FANCC: variants seen among roughly 807,000 people sequenced by gnomAD.
FANCC encodes the protein Fanconi anemia group C protein.
Under a neutral mutation model 71.3 loss-of-function variants are expected in FANCC, and 55 were observed. That is an observed-to-expected ratio of 0.77 (90% confidence interval 0.62 to 0.97). The LOEUF is 0.97. FANCC is among the 50% of genes least tolerant of loss of function. The pLI, the probability that FANCC is intolerant of heterozygous loss-of-function variation, is 0.00. For synonymous variants in FANCC, 275 were observed against 244.9 expected (o/e 1.12, Z -1.15); for missense variants, 678 against 670.9 (o/e 1.01, Z -0.12).
chr9:95,137,551 TC>T (rs1171197376), intron 7 of FANCC, among the ~76,000 whole-genome samples: 1 of 152,152 alleles, frequency 6.6e-6, no homozygotes, highest in African/African-American at 2.4e-5. Context: ...ACATGCCATT[TC>T]CTCAGATGAA....
intron 4 of FANCC, among the ~76,000 whole-genome samples, chr9:95,187,991 A>G (rs1826835423): frequency 6.6e-6 from 1 of 152,238 alleles, no homozygotes; most frequent in South Asian, 2.1e-4. Context: ...GTCACTACGC[A>G]TCAGTGTCTT....
chr9:95,193,227 C>T (rs1240885620), intron 4 of FANCC, among the ~76,000 whole-genome samples: 1 of 152,190 alleles, frequency 6.6e-6, no homozygotes, highest in East Asian at 1.9e-4. Flanking sequence ...CAAGGGGGCG[C>T]TACTCCAAAG....
chr9:95,160,507 G>T (rs1196224128), intron 6 of FANCC, among the ~76,000 whole-genome samples: 28 of 152,160 alleles, frequency 1.8e-4, no homozygotes, highest in Admixed American at 1.0e-3. Flanking sequence ...TCTTGGCAAT[G>T]TGGGCTCTTT....
At chr9:95,280,053 A>G (rs1467240086) in intron 1 of FANCC, among the ~76,000 whole-genome samples, 3 of 152,096 alleles carry the variant, frequency 2.0e-5, no homozygotes, top group Non-Finnish European at 4.4e-5. Context: ...CACACTTTAG[A>G]GTGAAAAATA....
intron 1 of FANCC, among the ~76,000 whole-genome samples, chr9:95,314,383 G>A (rs1015161781): frequency 1.4e-4 from 22 of 152,198 alleles, no homozygotes; most frequent in East Asian, 3.8e-4. Context: ...GCCGGGCGCA[G>A]TGACTCACGC....
chr9:95,135,122 G>A (rs531877579), intron 8 of FANCC, among the ~76,000 whole-genome samples: 4 of 152,142 alleles, frequency 2.6e-5, no homozygotes, highest in South Asian at 4.2e-4. Context: ...TGTGATATAC[G>A]GCATATCAAT....
chr9:95,251,039 C>T (rs902328871), intron 1 of FANCC, among the ~76,000 whole-genome samples: 3 of 152,186 alleles, frequency 2.0e-5, no homozygotes, highest in Admixed American at 6.5e-5. Flanking sequence ...CAGCTCACCA[C>T]GGTCCAGCCC....
intron 4 of FANCC, among the ~76,000 whole-genome samples, chr9:95,217,743 T>A (rs1179915913): frequency 1.3e-5 from 2 of 151,828 alleles, no homozygotes; most frequent in East Asian, 3.9e-4. Flanking sequence ...ATAAAGTAAG[T>A]AGAAGAAAGA....
intron 1 of FANCC, among the ~76,000 whole-genome samples, chr9:95,258,955 A>G (rs1831843064): frequency 6.6e-6 from 1 of 152,228 alleles, no homozygotes; most frequent in South Asian, 2.1e-4. Context: ...TACAAAGAGA[A>G]TAAAATACCT....
chr9:95,214,319 C>CAGTA (rs1289115017), intron 4 of FANCC, among the ~76,000 whole-genome samples: 2 of 152,138 alleles, frequency 1.3e-5, no homozygotes, highest in African/African-American at 2.4e-5. Flanking sequence ...GTAGTCCCAG[C>CAGTA]TACTGAAGAG....
intron 1 of FANCC, among the ~76,000 whole-genome samples, chr9:95,271,713 A>G (rs1210524095): frequency 6.6e-6 from 1 of 151,534 alleles, no homozygotes; most frequent in Non-Finnish European, 1.5e-5. Flanking sequence ...GCAAAGTTAC[A>G]TCTTGCTTTT....
At chr9:95,262,226 T>C (rs914341441) in intron 1 of FANCC, among the ~76,000 whole-genome samples, 1 of 151,924 alleles carries the variant, frequency 6.6e-6, no homozygotes, top group African/African-American at 2.4e-5. Context: ...TTCTATCCTT[T>C]AGGAGAAGGA....
At chr9:95,221,492 TATAAC>T (rs1479747628) in intron 4 of FANCC, among the ~76,000 whole-genome samples, 37 of 152,132 alleles carry the variant, frequency 2.4e-4, no homozygotes, top group Admixed American at 1.9e-3. Flanking sequence ...ATGCATGAAT[TATAAC>T]AGAACAAAAT....
intron 8 of FANCC, among the ~76,000 whole-genome samples, chr9:95,130,335 G>A (rs1056058575): frequency 6.6e-6 from 1 of 151,986 alleles, no homozygotes; most frequent in South Asian, 2.1e-4. Context: ...TAGGGAAAAG[G>A]AGAGGGACAG....
chr9:95,113,502 G>A (rs1227773128), intron 12 of FANCC, among the ~76,000 whole-genome samples: 1 of 151,882 alleles, frequency 6.6e-6, no homozygotes, highest in East Asian at 1.9e-4. Flanking sequence ...CTACTGTTAA[G>A]AAATTAACAA....
At chr9:95,255,224 CCT>C (rs1005864768) in intron 1 of FANCC, among the ~76,000 whole-genome samples, 3 of 152,154 alleles carry the variant, frequency 2.0e-5, no homozygotes, top group Non-Finnish European at 4.4e-5. Context: ...AAGACTGCCT[CCT>C]CAAGTGGGTC....
chr9:95,203,427 A>G (rs1827925881), intron 4 of FANCC, among the ~76,000 whole-genome samples: 2 of 151,078 alleles, frequency 1.3e-5, no homozygotes, highest in African/African-American at 4.9e-5. Context: ...ACAGTTCATT[A>G]AAACCTCGTA....
At chr9:95,251,873 CA>C (rs1020389400) in intron 1 of FANCC, among the ~76,000 whole-genome samples, 1 of 151,966 alleles carries the variant, frequency 6.6e-6, no homozygotes, top group African/African-American at 2.4e-5. Context: ...CATAATTGCC[CA>C]AAGTAAGATT....
At chr9:95,203,709 T>C (rs1827944079) in intron 4 of FANCC, among the ~76,000 whole-genome samples, 1 of 152,190 alleles carries the variant, frequency 6.6e-6, no homozygotes, top group South Asian at 2.1e-4. Flanking sequence ...ACAAAAATAT[T>C]ATTTATGAAA....
Sources: gnomAD v4.1 joint callset for allele counts (sites outside exome capture counted in the v4.1 genomes callset) on GRCh38, gnomAD v4.1.1 for gene constraint, MANE v1.5 for transcripts, NCBI Gene and HGNC (gene_info 2026-07-23, HGNC 2026-07-21) for gene names.